MACROD2: variants seen among roughly 807,000 people sequenced by gnomAD.
The protein encoded by MACROD2 is mono-ADP ribosylhydrolase 2.
MACROD2 carries 36 observed loss-of-function variants against 70.4 expected under a neutral mutation model. That is an observed-to-expected ratio of 0.51 (90% CI 0.39 to 0.68). The LOEUF is 0.68. MACROD2 is among the 30% of genes least tolerant of loss of function. The pLI is 0.00. For missense variants in MACROD2, 496 were observed against 538.4 expected (o/e 0.92, Z 0.78); for synonymous variants, 172 against 178.8 (o/e 0.96, Z 0.30).
intron 3 of MACROD2, among the ~76,000 whole-genome samples, chr20:14,196,739 CT>C (rs1348639218): frequency 6.6e-6 from 1 of 152,176 alleles, no homozygotes; most frequent in African/African-American, 2.4e-5. Flanking sequence ...TTTATTTTGG[CT>C]TCTTCATCTA....
intron 8 of MACROD2, among the ~76,000 whole-genome samples, chr20:15,524,026 G>A (rs914233430): frequency 8.6e-5 from 13 of 152,036 alleles, no homozygotes; most frequent in Non-Finnish European, 1.6e-4. Flanking sequence ...TATGTACCTC[G>A]CCCGGGCTCA....
intron 5 of MACROD2, among the ~76,000 whole-genome samples, chr20:14,848,117 T>C (rs1355291124): frequency 6.6e-6 from 1 of 152,226 alleles, no homozygotes; most frequent in Non-Finnish European, 1.5e-5. Context: ...TTAGTTTCTC[T>C]AACTGGAGTG....
chr20:15,680,647 G>A (rs574620607), intron 8 of MACROD2, among the ~76,000 whole-genome samples: 27 of 152,246 alleles, frequency 1.8e-4, no homozygotes, highest in African/African-American at 5.8e-4. Context: ...GCCTGCTGCA[G>A]GCCTCCAGTT....
intron 9 of MACROD2, among the ~76,000 whole-genome samples, chr20:15,868,257 C>T (rs2064521582): frequency 6.6e-6 from 1 of 152,144 alleles, no homozygotes; most frequent in Non-Finnish European, 1.5e-5. Flanking sequence ...CTCTGGCTTC[C>T]TGGATTCATG....
chr20:14,376,891 C>T (rs901320188), intron 3 of MACROD2, among the ~76,000 whole-genome samples: 3 of 151,838 alleles, frequency 2.0e-5, no homozygotes, highest in Non-Finnish European at 4.4e-5. Context: ...CCTAACCTCC[C>T]TGAATCTGTT....
intron 7 of MACROD2, among the ~76,000 whole-genome samples, chr20:15,485,388 A>G (rs1455848114): frequency 6.6e-6 from 1 of 152,174 alleles, no homozygotes; most frequent in Non-Finnish European, 1.5e-5. Context: ...TATTTCTACT[A>G]TGAGCACATC....
intron 9 of MACROD2, among the ~76,000 whole-genome samples, chr20:15,884,562 G>C (rs2064798437): frequency 2.0e-5 from 3 of 152,022 alleles, no homozygotes; most frequent in African/African-American, 7.2e-5. Flanking sequence ...AGACTGATTT[G>C]GCAGTCACGT....
At chr20:15,591,918 G>T (rs1351065237) in intron 8 of MACROD2, among the ~76,000 whole-genome samples, 1 of 152,128 alleles carries the variant, frequency 6.6e-6, no homozygotes, top group Non-Finnish European at 1.5e-5. Context: ...ACATGCTCAG[G>T]CTATGCGTTA....
At chr20:15,475,881 C>A (rs1012287729) in intron 7 of MACROD2, among the ~76,000 whole-genome samples, 1 of 152,192 alleles carries the variant, frequency 6.6e-6, no homozygotes, top group Non-Finnish European at 1.5e-5. Flanking sequence ...CTACTTCTAG[C>A]TTTTTCAGGC....
intron 8 of MACROD2, among the ~76,000 whole-genome samples, chr20:15,541,823 G>A (rs951406877): frequency 3.3e-5 from 5 of 152,170 alleles, no homozygotes; most frequent in African/African-American, 1.2e-4. Context: ...CCTTTGAAAA[G>A]AATCTCAATA....
Position 14,903,896 on chromosome 20 carries a change from C to T in MACROD2, c.418+218937C>T, listed in dbSNP as rs115591060. On this transcript the variant is annotated intron_variant, in intron 5 of 17. Coordinates refer to ENST00000684519, the MANE Select transcript of MACROD2 (RefSeq NM_001351661.2). ...AGGGGTTAAAGAATGAAGAAGCGTG[C>T]ATGAAAGGTTTTTTTATTTTTCTTC... Among the ~76,000 whole-genome samples the T allele has an allele frequency of 4.5e-3, 685 of 152,216 alleles. 7 individuals are homozygous for T. Among genetic ancestry groups the T allele is most frequent in the African/African-American group, 0.015 (639 of 41,536 alleles).
chr20:14,312,261 A>G (rs1040939018), intron 3 of MACROD2, among the ~76,000 whole-genome samples: 2 of 152,202 alleles, frequency 1.3e-5, no homozygotes, highest in Non-Finnish European at 2.9e-5. Flanking sequence ...TTGTATCATC[A>G]GACAAGTCTG....
intron 4 of MACROD2, among the ~76,000 whole-genome samples, chr20:14,613,195 G>A (rs1272655441): frequency 6.6e-6 from 1 of 152,106 alleles, no homozygotes; most frequent in African/African-American, 2.4e-5. Context: ...CTGACAACAT[G>A]AGTTCTATCA....
chr20:15,286,599 G>A (rs954648461), intron 6 of MACROD2, among the ~76,000 whole-genome samples: 1 of 151,076 alleles, frequency 6.6e-6, no homozygotes, highest in African/African-American at 2.4e-5. Flanking sequence ...GGGCTACAAA[G>A]ATATAACACA....
intron 5 of MACROD2, among the ~76,000 whole-genome samples, chr20:14,872,746 GTTT>G (rs2073503257): frequency 6.6e-6 from 1 of 152,044 alleles, no homozygotes; most frequent in South Asian, 2.1e-4. Flanking sequence ...GACTTAGTTT[GTTT>G]TCACACTGTG....
intron 5 of MACROD2, among the ~76,000 whole-genome samples, chr20:14,955,886 A>C (rs1388671080): frequency 1.3e-5 from 2 of 152,148 alleles, no homozygotes; most frequent in African/African-American, 4.8e-5. Flanking sequence ...AGGACCCACA[A>C]TCACTATCTC....
At chr20:14,937,044 A>C (rs1327348347) in intron 5 of MACROD2, among the ~76,000 whole-genome samples, 5 of 152,202 alleles carry the variant, frequency 3.3e-5, no homozygotes, top group Non-Finnish European at 7.3e-5. Context: ...AGGTAAATAC[A>C]TTGGAAACAA....
chr20:15,866,824 A>G (rs903108278), intron 9 of MACROD2, among the ~76,000 whole-genome samples: 6 of 152,284 alleles, frequency 3.9e-5, no homozygotes, highest in African/African-American at 1.4e-4. Context: ...TTCCATTCAC[A>G]TTATAGAGGT....
At chr20:14,200,529 T>TAAACAAA (rs1242071751) in intron 3 of MACROD2, among the ~76,000 whole-genome samples, 2 of 152,008 alleles carry the variant, frequency 1.3e-5, no homozygotes, top group Non-Finnish European at 2.9e-5. Flanking sequence ...CCCCTGAACT[T>TAAACAAA]AAACAAAAAA....
Sources: allele counts gnomAD v4.1 joint callset (sites outside exome capture counted in the v4.1 genomes callset), GRCh38; gene constraint gnomAD v4.1.1; transcripts MANE v1.5; gene names NCBI Gene and HGNC (gene_info 2026-07-23, HGNC 2026-07-21).